The following UMAD1 variants were observed in gnomAD, a reference collection of about 807,000 sequenced individuals.
The protein encoded by UMAD1 is UBAP1-MVB12-associated (UMA) domain containing 1.
UMAD1 carries 8 observed loss-of-function variants against 6.1 expected under a neutral mutation model. The ratio of observed to expected loss-of-function variants is 1.30; its 90% CI spans 0.76 to 2.35. UMAD1 has a LOEUF of 2.35. Ranked by LOEUF, UMAD1 falls within the 30% of genes most tolerant of loss-of-function variation. The pLI, the probability that UMAD1 is intolerant of heterozygous loss-of-function variation, is 0.00. For missense variants in UMAD1, 130 were observed against 78.4 expected (o/e 1.66, Z -2.49); for synonymous variants, 56 against 31.4 (o/e 1.78, Z -2.61).
chr7:7,816,753 C>T (rs564530398), intron 3 of UMAD1, among the ~76,000 whole-genome samples: 7 of 152,300 alleles, frequency 4.6e-5, no homozygotes, highest in African/African-American at 1.7e-4. Flanking sequence ...TTATTTCTAC[C>T]TCCTCTGGCT....
At chr7:7,649,072 C>T (rs552209220) in intron 1 of UMAD1, among the ~76,000 whole-genome samples, 36 of 147,300 alleles carry the variant, frequency 2.4e-4, no homozygotes, top group South Asian at 6.5e-4. Context: ...GCAGGAGAAT[C>T]GCTTGAACCC....
intron 1 of UMAD1, among the ~76,000 whole-genome samples, chr7:7,660,278 T>C (rs760751027): frequency 1.4e-4 from 21 of 152,244 alleles, no homozygotes; most frequent in Non-Finnish European, 2.4e-4. Flanking sequence ...TGTCTTTTAA[T>C]TGGGGGCATT....
At chr7:7,799,814 C>T (rs6960751) in intron 2 of UMAD1, among the ~76,000 whole-genome samples, 86,141 of 152,028 alleles carry the variant, frequency 0.57, 25,217 homozygotes, top group South Asian at 0.69. Flanking sequence ...TTTCTTTTGC[C>T]TCACAAATAT....
At chr7:7,738,340 A>G (rs1287906761) in intron 2 of UMAD1, among the ~76,000 whole-genome samples, 1 of 152,230 alleles carries the variant, frequency 6.6e-6, no homozygotes, top group Non-Finnish European at 1.5e-5. Context: ...TGCTGTATTC[A>G]TCAAGTCATA....
At chr7:7,746,156 C>T (rs1282711894) in intron 2 of UMAD1, among the ~76,000 whole-genome samples, 1 of 152,098 alleles carries the variant, frequency 6.6e-6, no homozygotes, top group South Asian at 2.1e-4. Flanking sequence ...TTGCATGCAC[C>T]GTAGAGTTTG....
intron 3 of UMAD1, among the ~76,000 whole-genome samples, chr7:7,860,535 T>C (rs12534077): frequency 0.69 from 102,367 of 148,030 alleles, 36,142 homozygotes; most frequent in Middle Eastern, 0.77. Flanking sequence ...CCGAGGCAGG[T>C]GGATCACGGG....
intron 1 of UMAD1, among the ~76,000 whole-genome samples, chr7:7,671,118 T>C (rs528890892): frequency 1.3e-5 from 2 of 152,338 alleles, no homozygotes; most frequent in African/African-American, 4.8e-5. Flanking sequence ...AATAATCATA[T>C]TACTCTTTGA....
chr7:7,781,817 A>G (rs1346147679), intron 2 of UMAD1, among the ~76,000 whole-genome samples: 1 of 151,980 alleles, frequency 6.6e-6, no homozygotes. Context: ...TTATAATTTC[A>G]GAGAGGGAGA....
intron 2 of UMAD1, among the ~76,000 whole-genome samples, chr7:7,723,562 G>C (rs983851189): frequency 6.6e-6 from 1 of 152,116 alleles, no homozygotes; most frequent in Admixed American, 6.5e-5. Flanking sequence ...CAGCTGGGAG[G>C]GTCCAGAAGA....
chr7:7,798,201 T>C (rs12702653), intron 2 of UMAD1, among the ~76,000 whole-genome samples: 38,884 of 152,126 alleles, frequency 0.26, 5,670 homozygotes, highest in East Asian at 0.43. Context: ...ACTAAAATGT[T>C]TACTATCTGA....
At chr7:7,758,974 A>G (rs536987639) in intron 2 of UMAD1, among the ~76,000 whole-genome samples, 2 of 152,028 alleles carry the variant, frequency 1.3e-5, no homozygotes, top group African/African-American at 4.8e-5. Context: ...TTCTTTGGGG[A>G]CTAGTCAAAT....
intron 2 of UMAD1, chr7:7,692,516 A>G (rs1583742818): frequency 6.6e-6 from 1 of 152,348 alleles, no homozygotes; most frequent in Non-Finnish European, 1.5e-5. Flanking sequence ...AATTGTCAAT[A>G]TGTATCAGAA....
intron 1 of UMAD1, among the ~76,000 whole-genome samples, chr7:7,657,710 T>C (rs1785376473): frequency 6.6e-6 from 1 of 152,246 alleles, no homozygotes; most frequent in Non-Finnish European, 1.5e-5. Flanking sequence ...TTTTGGTTAC[T>C]GTAGTCTTGT....
At chr7:7,861,595 C>T (rs960444931) in intron 3 of UMAD1, among the ~76,000 whole-genome samples, 2 of 152,324 alleles carry the variant, frequency 1.3e-5, no homozygotes, top group East Asian at 3.9e-4. Flanking sequence ...AGTCTACCCT[C>T]ATAATTTCTG....
At chr7:7,704,766 C>CAAAAA (rs71011001) in intron 2 of UMAD1, among the ~76,000 whole-genome samples, 773 of 17,858 alleles carry the variant, frequency 0.043, 144 homozygotes, top group Non-Finnish European at 0.062. Context: ...GACTCCATCT[C>CAAAAA]AAAAAAAAAA....
chr7:7,818,315 G>A (rs939723736), intron 3 of UMAD1, among the ~76,000 whole-genome samples: 14 of 152,110 alleles, frequency 9.2e-5, no homozygotes, highest in African/African-American at 3.1e-4. Flanking sequence ...ATATGGTCTT[G>A]TTCTTTTTTA....
intron 2 of UMAD1, among the ~76,000 whole-genome samples, chr7:7,716,484 A>C (rs1278494759): frequency 1.3e-5 from 2 of 152,240 alleles, no homozygotes; most frequent in Non-Finnish European, 2.9e-5. Context: ...AAGCTTGCAC[A>C]GGTGAATGCT....
At chr7:7,674,899 A>G (rs1248504632) in intron 2 of UMAD1, among the ~76,000 whole-genome samples, 2 of 152,080 alleles carry the variant, frequency 1.3e-5, no homozygotes, top group African/African-American at 4.8e-5. Flanking sequence ...AATTTTTTCC[A>G]AAAAACTCTT....
At chr7:7,769,806 C>T (rs1782066705) in intron 2 of UMAD1, among the ~76,000 whole-genome samples, 1 of 152,126 alleles carries the variant, frequency 6.6e-6, no homozygotes, top group South Asian at 2.1e-4. Context: ...CTAAATTGCA[C>T]TGGCCCTGGG....
Sources: allele counts gnomAD v4.1 joint callset (sites outside exome capture counted in the v4.1 genomes callset), GRCh38; gene constraint gnomAD v4.1.1; transcripts MANE v1.5; gene names NCBI Gene and HGNC (gene_info 2026-07-23, HGNC 2026-07-21).